Variants in OVCA2 observed in about 807,000 individuals in gnomAD.
The protein encoded by OVCA2 is OVCA2 serine hydrolase domain containing.
A neutral mutation model predicts 10.1 loss-of-function variants in OVCA2; 14 were observed. The ratio of observed to expected loss-of-function variants is 1.39; its 90% CI spans 0.92 to 2.17. OVCA2 has a LOEUF of 2.17. Among genes scored for constraint, OVCA2 ranks in the 30% most tolerant of loss-of-function variants. OVCA2 has a pLI of 0.00. For synonymous variants in OVCA2, 201 were observed against 134.1 expected (o/e 1.50, Z -3.45); for missense variants, 376 against 300.5 (o/e 1.25, Z -1.86).
intron 1 of OVCA2, 41 bp from the exon 2 acceptor site, chr17:2,042,564 C>G: frequency 6.7e-7 from 1 of 1,498,364 alleles, no homozygotes; most frequent in Non-Finnish European, 8.9e-7. Context: ...CCTGGAGCCT[C>G]CCATGCCCTA....
In OVCA2 at chr17:2,042,077, G is replaced by A; in HGVS notation, c.30G>A (p.Leu10=). The change falls in exon 1 of 2, where the codon CTG becomes CTA. Residue 10 remains leucine, a synonymous_variant. Coordinates refer to ENST00000572195, the MANE Select transcript of OVCA2 (RefSeq NM_080822.3). The part of the protein sequence containing the change: MAAQRPLRV[L]CLAGFRQSER... ...CCGCGCAGCGACCCCTGCGGGTCCT[G>A]TGCCTGGCGGGCTTCCGGCAGAGCG... is the stretch of plus-strand genomic sequence containing the variant. The A allele has an allele frequency of 3.2e-6, 5 of 1,563,086 alleles. No homozygotes were observed. Among genetic ancestry groups the A allele is most frequent in the Non-Finnish European group, 4.3e-6 (5 of 1,163,896 alleles).
Position 2,042,140 on chromosome 17 carries a change from G to T in OVCA2, c.93G>T (p.Lys31Asn), listed in dbSNP as rs769788020. The T allele has an allele frequency of 2.0e-6, 3 of 1,537,378 alleles. No homozygotes were observed. The highest frequency in any genetic ancestry group is 2.4e-5 in the South Asian group (2 of 84,454). ...GTGAGAAGACCGGGGCGCTGAGGAAGGCGCTGCGGGGTCGCGCCGAGCTCG... is the reference window on the plus strand; with the variant it reads ...GTGAGAAGACCGGGGCGCTGAGGAATGCGCTGCGGGGTCGCGCCGAGCTCG... ...GFREKTGALRKALRGRAELVC... is the reference protein window; with the variant it reads ...GFREKTGALRNALRGRAELVC... The change falls in exon 1 of 2, where the codon AAG becomes AAT. Residue 31 changes from lysine (K) to asparagine (N), a missense_variant. Transcript: ENST00000572195.
Position 2,042,205 on chromosome 17 carries a change from G to A in OVCA2, c.158G>A (p.Gly53Asp), listed in dbSNP as rs865919874. The change falls in exon 1 of 2, where the codon GGC (glycine) becomes GAC (aspartate). Residue 53 changes from glycine (G) to aspartate (D), a missense_variant. Transcript: ENST00000572195. ...CCGCACCCGGTCCCCGACCCCCCGG[G>A]CCCCGAGGGCGCCAGATCAGACTTC... Reference protein sequence around the residue: ...SGPHPVPDPPGPEGARSDFGS... With the variant: ...SGPHPVPDPPDPEGARSDFGS... 4 of 1,432,880 alleles carry A rather than the reference G, an allele frequency of 2.8e-6. No individual in the cohort carries two copies. The highest frequency in any genetic ancestry group is 1.5e-5 in the African/African-American group (1 of 66,724). 88.8% of individuals were successfully genotyped at this position (1,432,880 alleles called of 1,614,324 possible).
Position 2,042,135 on chromosome 17 carries a change from A to AGGAAGGCGCTGC in OVCA2, c.91_102dup (p.Lys31_Arg34dup). On this transcript the variant is annotated inframe_insertion, in exon 1 of 2. Transcript: ENST00000572195. ...CTTCCGTGAGAAGACCGGGGCGCTG[A>AGGAAGGCGCTGC]GGAAGGCGCTGCGGGGTCGCGCCGA... The AGGAAGGCGCTGC allele has an allele frequency of 6.5e-7, 1 of 1,549,900 alleles. No homozygotes were observed. Among genetic ancestry groups the AGGAAGGCGCTGC allele is most frequent in the East Asian group, 2.5e-5 (1 of 40,428 alleles).
Position 2,042,706 on chromosome 17 carries a change from G to C in OVCA2, c.286G>C (p.Glu96Gln). 1 of 1,552,826 alleles carries C rather than the reference G, an allele frequency of 6.4e-7. No homozygotes were observed. Among genetic ancestry groups the C allele is most frequent in the Non-Finnish European group, 8.7e-7 (1 of 1,152,750 alleles). Residue 96 changes from glutamate to glutamine, a missense_variant, in exon 2 of 2, where the codon GAG (glutamate) becomes CAG (glutamine). Glu to Gln is a conservative substitution (Grantham distance 29). Transcript: ENST00000572195. ...AGAGCCCGCCGTCTGCAGGGGCCTG[G>C]AGGAATCACTGGGGATGGTGGCACA... ...LEEPAVCRGL[E>Q]ESLGMVAQAL...
In OVCA2 at chr17:2,042,940, G is replaced by T. The variant is rs1464653625; in HGVS notation, c.520G>T (p.Val174Phe). The change falls in exon 2 of 2, where the codon GTT becomes TTT. Residue 174 changes from valine to phenylalanine, a missense_variant. Transcript: ENST00000572195. ...GCCCTTGTCATTGCCTTCGCTCCAT[G>T]TTTTTGGGGACACTGACAAAGTCAT... The part of the protein sequence containing the change: ...QRPLSLPSLH[V>F]FGDTDKVIPS... 1 of 1,614,180 alleles carries T rather than the reference G, an allele frequency of 6.2e-7. No homozygotes were observed. The highest frequency in any genetic ancestry group is 1.3e-5 in the African/African-American group (1 of 75,062).
chr17:2,042,462 T>G, intron 1 of OVCA2, 143 bp from the exon 2 acceptor site: 4 of 1,294,286 alleles, frequency 3.1e-6, no homozygotes, highest in Non-Finnish European at 4.1e-6. Flanking sequence ...ATCCACTCAT[T>G]TCCCCCCTCT....
Position 2,042,596 on chromosome 17 carries a change from T to TCG in OVCA2, c.185-7_185-6dup, listed in dbSNP as rs1188374347. ...CCTAATCCCATCCTTTTTCCTCATATCGCTGTAGGGTCCTGCCCTCCGGAG... is the reference window on the plus strand; with the variant it reads ...CCTAATCCCATCCTTTTTCCTCATATCGCGCTGTAGGGTCCTGCCCTCCGGAG... On this transcript the variant is annotated splice_polypyrimidine_tract_variant and intron_variant, in intron 1 of 1. Transcript: ENST00000572195. 1 of 1,510,392 alleles carries TCG rather than the reference T, an allele frequency of 6.6e-7. No individual in the cohort carries two copies. The highest frequency in any genetic ancestry group is 1.4e-5 in the African/African-American group (1 of 71,532). 93.6% of individuals were successfully genotyped at this position (1,510,392 alleles called of 1,614,324 possible). A position where few individuals can be genotyped will look rare whatever the true frequency, so the allele number is the denominator to read the frequency against.
rs754139123 is a variant in OVCA2, at chr17:2,042,113, C to G, written c.66C>G (p.Phe22Leu). Residue 22 changes from phenylalanine to leucine, a missense_variant, in exon 1 of 2, where the codon TTC becomes TTG. By Grantham distance (22) the Phe-to-Leu change is conservative. Coordinates refer to ENST00000572195, the MANE Select transcript of OVCA2 (RefSeq NM_080822.3). ...GCTTCCGGCAGAGCGAGCGGGGCTT[C>G]CGTGAGAAGACCGGGGCGCTGAGGA... is the stretch of plus-strand genomic sequence containing the variant. ...LAGFRQSERG[F>L]REKTGALRKA... The G allele has an allele frequency of 7.0e-5, 109 of 1,567,476 alleles. No individual in the cohort carries two copies. The highest frequency in any genetic ancestry group is 9.3e-5 in the Non-Finnish European group (108 of 1,166,038).
intron 1 of OVCA2, 163 bp from the exon 2 acceptor site, chr17:2,042,442 G>C: frequency 7.8e-7 from 1 of 1,286,042 alleles, no homozygotes; most frequent in Non-Finnish European, 1.0e-6. Flanking sequence ...GCTGTCTCCT[G>C]TTCAGGCCAA....
At chr17:2,042,333 C>T in intron 1 of OVCA2, 102 bp downstream of exon 1, 1 of 1,373,354 alleles carries the variant, frequency 7.3e-7, no homozygotes, top group Non-Finnish European at 9.4e-7. Context: ...ACCCGCATTC[C>T]TCCCACCCAG....
At position 2,042,987 on chromosome 17, in the gene OVCA2, A is replaced by G; in HGVS notation, c.567A>G (p.Gln189=). ...TCATCCCCTCTCAGGAGAGTGTGCAACTGGCCAGCCAATTTCCCGGAGCCA... is the reference window on the plus strand; with the variant it reads ...TCATCCCCTCTCAGGAGAGTGTGCAGCTGGCCAGCCAATTTCCCGGAGCCA... ...DKVIPSQESV[Q]LASQFPGAIT... Residue 189 remains glutamine, a synonymous_variant, in exon 2 of 2, where the codon CAA becomes CAG. Transcript: ENST00000572195. The G allele has an allele frequency of 1.9e-6, 3 of 1,613,924 alleles. No homozygotes were observed. The highest frequency in any genetic ancestry group is 2.5e-6 in the Non-Finnish European group (3 of 1,180,004).
Position 2,043,002 on chromosome 17 carries a change from T to C in OVCA2, c.582T>C (p.Phe194=), listed in dbSNP as rs539988638. The part of the protein sequence containing the change: ...SQESVQLASQ[F]PGAITLTHSG... The stretch of plus-strand genomic sequence containing the variant: ...AGAGTGTGCAACTGGCCAGCCAATT[T>C]CCCGGAGCCATCACCCTCACCCACT... The change falls in exon 2 of 2, where the codon TTT becomes TTC. Residue 194 remains phenylalanine, a synonymous_variant. Coordinates refer to ENST00000572195, the MANE Select transcript of OVCA2 (RefSeq NM_080822.3). The C allele has an allele frequency of 3.1e-6, 5 of 1,614,058 alleles. No homozygotes were observed. In the East Asian group the frequency reaches 8.9e-5, roughly 29 times the overall value.
In OVCA2 at chr17:2,043,025, A is replaced by C; in HGVS notation, c.605A>C (p.His202Pro). The change falls in exon 2 of 2, where the codon CAC (histidine) becomes CCC (proline). Residue 202 changes from histidine (H) to proline (P), a missense_variant. Physicochemically the swap from His to Pro is moderately conservative, Grantham distance 77. Coordinates refer to ENST00000572195, the MANE Select transcript of OVCA2 (RefSeq NM_080822.3). The part of the protein sequence containing the change: ...SQFPGAITLT[H>P]SGGHFIPAAA... ...TTTCCCGGAGCCATCACCCTCACCCACTCTGGTGGCCACTTCATTCCAGCA... is the reference window on the plus strand; with the variant it reads ...TTTCCCGGAGCCATCACCCTCACCCCCTCTGGTGGCCACTTCATTCCAGCA... 1 of 1,613,610 alleles carries C rather than the reference A, an allele frequency of 6.2e-7. No homozygotes were observed. Among genetic ancestry groups the C allele is most frequent in the Non-Finnish European group, 8.5e-7 (1 of 1,179,890 alleles).
At position 2,042,183 on chromosome 17, in the gene OVCA2, C is replaced by A; in HGVS notation, c.136C>A (p.His46Asn). The change falls in exon 1 of 2, where the codon CAC becomes AAC. Residue 46 changes from histidine to asparagine, a missense_variant. Physicochemically the swap from His to Asn is moderately conservative, Grantham distance 68. Transcript: ENST00000572195. ...RAELVCLSGP[H>N]PVPDPPGPEG... The stretch of plus-strand genomic sequence containing the variant: ...CGAGCTCGTGTGCCTCAGCGGCCCG[C>A]ACCCGGTCCCCGACCCCCCGGGCCC... 1 of 1,442,832 alleles carries A rather than the reference C, an allele frequency of 6.9e-7. No homozygotes were observed. Among genetic ancestry groups the A allele is most frequent in the Non-Finnish European group, 9.0e-7 (1 of 1,105,020 alleles). 89.4% of individuals were successfully genotyped at this position (1,442,832 alleles called of 1,614,324 possible).
Position 2,043,049 on chromosome 17 carries a change from C to A in OVCA2, c.629C>A (p.Ala210Glu), listed in dbSNP as rs201370540. Residue 210 changes from alanine (A) to glutamate (E), a missense_variant, in exon 2 of 2, where the codon GCA becomes GAA. By Grantham distance (107) the Ala-to-Glu change is moderately radical (BLOSUM62 -1). Coordinates refer to ENST00000572195, the MANE Select transcript of OVCA2 (RefSeq NM_080822.3). ...CACTCTGGTGGCCACTTCATTCCAG[C>A]AGCTGCACCCCAGCGTCAGGCCTAC... ...LTHSGGHFIP[A>E]AAPQRQAYLK... is the part of the protein sequence containing the mutation. The A allele has an allele frequency of 3.5e-5, 57 of 1,613,916 alleles. No homozygotes were observed. The highest frequency in any genetic ancestry group is 4.7e-5 in the Non-Finnish European group (55 of 1,180,032).
Position 2,042,034 on chromosome 17 carries a change from C to T in OVCA2, c.-14C>T, listed in dbSNP as rs761769398. 6.6e-7 allele frequency: 1 copy of T among 1,508,170 alleles called. No homozygotes were observed. Among genetic ancestry groups the T allele is most frequent in the Non-Finnish European group, 8.8e-7 (1 of 1,133,484 alleles). The allele number at this position is 1,508,170 out of a possible 1,614,324, so 93.4% of individuals were successfully genotyped here. ...GACCGCTTCCGGTGCTTCCGTCGCT[C>T]CTTGCCGGGCATAATGGCCGCGCAG... is the stretch of plus-strand genomic sequence containing the variant. On this transcript the variant is annotated 5_prime_UTR_variant, in exon 1 of 2. Transcript: ENST00000572195.
chr17:2,042,529 C>T (rs2067560381), intron 1 of OVCA2, 76 bp from the exon 2 acceptor site: 1 of 1,483,978 alleles, frequency 6.7e-7, no homozygotes, highest in South Asian at 1.5e-5. Flanking sequence ...CTCGAACCCT[C>T]CTGCCCTTTC....
At chr17:2,042,489 T>C in intron 1 of OVCA2, 116 bp from the exon 2 acceptor site, 3 of 1,408,744 alleles carry the variant, frequency 2.1e-6, no homozygotes, top group Admixed American at 2.7e-5. Flanking sequence ...CCCCAGACTT[T>C]TGCCTCGATT....
Sources: allele counts gnomAD v4.1 joint callset, GRCh38; gene constraint gnomAD v4.1.1; transcripts MANE v1.5; gene names NCBI Gene and HGNC (gene_info 2026-07-23, HGNC 2026-07-21).